Variants in VGLL4 observed in about 807,000 individuals in gnomAD.
VGLL4 encodes the protein vestigial like family member 4, also known as transcription cofactor vestigial-like protein 4.
Under a neutral mutation model 21.0 loss-of-function variants are expected in VGLL4, and 7 were observed. The observed-to-expected ratio is 0.33, with a 90% CI of 0.19 to 0.63. The LOEUF (loss-of-function observed/expected upper bound fraction) is 0.63. VGLL4 is among the 20% of genes least tolerant of loss of function. The pLI, the probability that VGLL4 is intolerant of heterozygous loss-of-function variation, is 0.78. For synonymous variants in VGLL4, 222 were observed against 173.2 expected (o/e 1.28, Z -2.21); for missense variants, 394 against 425.7 (o/e 0.93, Z 0.66).
chr3:11,558,758 G>A lies in VGLL4; in HGVS notation c.689C>T (p.Pro230Leu), dbSNP rs2072672823. 5 of 1,614,156 alleles carry A rather than the reference G, an allele frequency of 3.1e-6. No homozygotes were observed. Among genetic ancestry groups the A allele is most frequent in the Non-Finnish European group, 4.2e-6 (5 of 1,180,036 alleles). ...RRSLGKNYKEPEPAPNSVSIT... is the reference protein window; with the variant it reads ...RRSLGKNYKELEPAPNSVSIT... The stretch of plus-strand genomic sequence containing the variant: ...GGACACGGAGTTGGGTGCCGGCTCG[G>A]GCTCCTTGTAATTCTTGCCCAGGCT... Residue 230 changes from proline (P) to leucine (L), a missense_variant, in exon 5 of 5, where the codon CCC (proline) becomes CTC (leucine). Pro to Leu is a moderately conservative substitution (Grantham distance 98). Coordinates refer to ENST00000430365, the MANE Select transcript of VGLL4 (RefSeq NM_001128219.3).
At chr3:11,606,362 G>A (rs779972226) in intron 1 of VGLL4, among the ~76,000 whole-genome samples, 31 of 152,170 alleles carry the variant, frequency 2.0e-4, no homozygotes, top group Non-Finnish European at 2.5e-4. Context: ...AAGGAAATGC[G>A]AATCAATACC....
intron 2 of VGLL4, among the ~76,000 whole-genome samples, chr3:11,700,752 T>C (rs987446973): frequency 6.6e-6 from 1 of 152,182 alleles, no homozygotes; most frequent in African/African-American, 2.4e-5. Context: ...TGATATGCAA[T>C]TGTAGAAAGT....
At chr3:11,720,696 G>C (rs1273871794) in exon 1 of VGLL4, 1 of 152,324 alleles carries the variant, frequency 6.6e-6, no homozygotes, top group East Asian at 1.9e-4. Flanking sequence ...ACCAGTGTTT[G>C]CTGTGTTTGG....
intron 2 of VGLL4, among the ~76,000 whole-genome samples, chr3:11,569,641 T>A (rs867185704): frequency 1.3e-5 from 2 of 152,172 alleles, no homozygotes; most frequent in South Asian, 2.1e-4. Context: ...GTCCTCTCTC[T>A]CCCACCGCAG....
chr3:11,590,763 C>G (rs947986504), intron 2 of VGLL4, among the ~76,000 whole-genome samples: 2 of 151,204 alleles, frequency 1.3e-5, no homozygotes, highest in African/African-American at 4.9e-5. Flanking sequence ...TGCCATTTAA[C>G]TAAAAACTAC....
chr3:11,642,408 G>C (rs2075710916), intron 1 of VGLL4, among the ~76,000 whole-genome samples: 1 of 152,070 alleles, frequency 6.6e-6, no homozygotes, highest in African/African-American at 2.4e-5. Context: ...AAAAATACAA[G>C]TGAATCACCC....
intron 2 of VGLL4, among the ~76,000 whole-genome samples, chr3:11,574,403 A>G (rs1357049841): frequency 6.6e-6 from 1 of 152,154 alleles, no homozygotes; most frequent in African/African-American, 2.4e-5. Flanking sequence ...GCACCGCACA[A>G]TGACAGTCCA....
At chr3:11,585,114 C>CAT (rs1262258500) in intron 2 of VGLL4, among the ~76,000 whole-genome samples, 5 of 152,166 alleles carry the variant, frequency 3.3e-5, no homozygotes, top group Admixed American at 1.3e-4. Flanking sequence ...CCAACACACA[C>CAT]TTAAATGCTA....
At chr3:11,574,837 G>A (rs11917754) in intron 2 of VGLL4, among the ~76,000 whole-genome samples, 6,779 of 141,852 alleles carry the variant, frequency 0.048, 550 homozygotes, top group African/African-American at 0.17. Flanking sequence ...GTGTGTGTGT[G>A]TATTTTAAAA....
At chr3:11,692,276 T>G (rs901754133) in intron 2 of VGLL4, among the ~76,000 whole-genome samples, 1 of 152,214 alleles carries the variant, frequency 6.6e-6, no homozygotes, top group African/African-American at 2.4e-5. Context: ...TAATTTGATC[T>G]GATATAAAAC....
intron 2 of VGLL4, chr3:11,582,470 C>A: frequency 8.6e-7 from 1 of 1,156,140 alleles, no homozygotes; most frequent in Admixed American, 2.7e-5. Flanking sequence ...CCCTGCACTG[C>A]AATAAAAGTT....
At chr3:11,612,331 T>C (rs1391584042) in intron 1 of VGLL4, 1 of 152,174 alleles carries the variant, frequency 6.6e-6, no homozygotes, top group Non-Finnish European at 1.5e-5. Context: ...TGATAGACTA[T>C]GTAACACTGC....
At chr3:11,668,201 TATAA>T (rs565709100) in intron 2 of VGLL4, among the ~76,000 whole-genome samples, 3 of 151,884 alleles carry the variant, frequency 2.0e-5, no homozygotes, top group Non-Finnish European at 4.4e-5. Flanking sequence ...TTCTTCAAGA[TATAA>T]ATAAATAAAT....
In VGLL4 at chr3:11,609,670, C is replaced by T. The variant is rs532087488; in HGVS notation, c.83-7648G>A. ...TCTCCCAGGGATAAGGCGGCGTTAG[C>T]AATGGGAACCCGGGTCTCGGCCACA... On this transcript the variant is annotated intron_variant, in intron 1 of 4. Transcript: ENST00000430365. 7.9e-5 allele frequency among the ~76,000 whole-genome samples: 12 copies of T among 152,320 alleles called. No homozygotes were observed. In the South Asian group the frequency reaches 2.5e-3, roughly 32 times the overall value.
chr3:11,651,000 G>A (rs183630031), intron 2 of VGLL4, among the ~76,000 whole-genome samples: 4 of 152,202 alleles, frequency 2.6e-5, no homozygotes, highest in Admixed American at 6.5e-5. Flanking sequence ...TTTTTGCTTC[G>A]TAATCTACTT....
rs976897031 is a variant in VGLL4 at position 11,557,050 on chromosome 3, T to C, written c.*1506A>G. On this transcript the variant is annotated 3_prime_UTR_variant, in exon 5 of 5. Coordinates refer to ENST00000430365, the MANE Select transcript of VGLL4 (RefSeq NM_001128219.3). ...AGTCCACAAAGCCTTGCAGGTGAGG[T>C]GACCACGCCCACGTCACCTGGTCAG... 3 of 152,444 alleles carry C rather than the reference T, an allele frequency of 2.0e-5. No homozygotes were observed. The highest frequency in any genetic ancestry group is 6.5e-5 in the Admixed American group (1 of 15,282). 9.4% of individuals were successfully genotyped at this position (152,444 alleles called of 1,614,324 possible).
At chr3:11,672,249 G>A (rs183592614) in intron 2 of VGLL4, among the ~76,000 whole-genome samples, 16 of 152,274 alleles carry the variant, frequency 1.1e-4, no homozygotes, top group Admixed American at 5.2e-4. Flanking sequence ...ATTTAAGTAC[G>A]GAAGGTCAAT....
chr3:11,717,490 ATT>A lies in VGLL4; in HGVS notation c.-14+2902_-14+2903del, dbSNP rs60921966. Among the ~76,000 whole-genome samples the A allele has an allele frequency of 5.7e-3, 416 of 72,942 alleles. 9 individuals are homozygous for A. The highest frequency in any genetic ancestry group is 0.026 in the African/African-American group (396 of 15,386). The allele number at this position is 72,942 out of a possible 152,430, so 47.9% of individuals were successfully genotyped here. A position where few individuals can be genotyped will look rare whatever the true frequency, so the allele number is the denominator to read the frequency against. ...AGTTAAGAGGAATTTCCCACTACAG[ATT>A]TTTTTTTTTTTTTTTTTTTTTTGGT... On this transcript the variant is annotated intron_variant, in intron 1 of 5. Coordinates refer to the VGLL4 transcript ENST00000273038.
chr3:11,558,246 G>T lies in VGLL4; in HGVS notation c.*310C>A. 2.2e-6 allele frequency: 1 copy of T among 449,294 alleles called. No individual in the cohort carries two copies. Among genetic ancestry groups the T allele is most frequent in the Non-Finnish European group, 4.0e-6 (1 of 250,992 alleles). The allele number at this position is 449,294 out of a possible 1,614,324, so 27.8% of individuals were successfully genotyped here. ...GGCTTGTGACTGAGAAAGCGCTGTG[G>T]AGTCCTGGCCCCGTCGGGGCAGCAG... is the stretch of plus-strand genomic sequence containing the variant. On this transcript the variant is annotated 3_prime_UTR_variant, in exon 5 of 5. Transcript: ENST00000430365.
Sources: allele counts gnomAD v4.1 joint callset (sites outside exome capture counted in the v4.1 genomes callset), GRCh38; gene constraint gnomAD v4.1.1; transcripts MANE v1.5; gene names NCBI Gene and HGNC (gene_info 2026-07-23, HGNC 2026-07-21).